ACMSD: variants seen among roughly 807,000 people sequenced by gnomAD.
ACMSD encodes aminocarboxymuconate semialdehyde decarboxylase.
A neutral mutation model predicts 45.9 loss-of-function variants in ACMSD; 37 were observed. That is an observed-to-expected ratio of 0.81 (90% CI 0.62 to 1.06). The LOEUF (loss-of-function observed/expected upper bound fraction) is 1.06, where lower values mean the gene tolerates loss of function less well. ACMSD is among the 50% of genes least tolerant of loss of function. ACMSD has a pLI of 0.00. For synonymous variants in ACMSD, 138 were observed against 148.8 expected, an observed-to-expected ratio of 0.93 and a Z score of 0.53; for missense variants, 434 against 420.9, an observed-to-expected ratio of 1.03 and a Z score of -0.27.
chr2:134,875,063 T>C (rs1175977579), intron 8 of ACMSD, among the ~76,000 whole-genome samples: 2 of 152,180 alleles, frequency 1.3e-5, no homozygotes, highest in African/African-American at 4.8e-5. Context: ...CGCAGTGGCG[T>C]GATCACAGCT....
chr2:134,845,171 T>C (rs900910919), intron 1 of ACMSD, 62 bp from the exon 2 acceptor site: 17 of 1,576,112 alleles, frequency 1.1e-5, no homozygotes, highest in Non-Finnish European at 1.4e-5. Flanking sequence ...GCACTTAGCA[T>C]GCCCCTTGAT....
intron 4 of ACMSD, 50 bp downstream of exon 4, chr2:134,862,068 A>G: frequency 6.2e-7 from 1 of 1,608,920 alleles, no homozygotes; most frequent in Non-Finnish European, 8.5e-7. Flanking sequence ...GTTCGTGTTG[A>G]GCTCCCAAAA....
rs375252700 is a variant in ACMSD at position 134,898,414 on chromosome 2, T to C, written c.923T>C (p.Met308Thr). 6 of 1,597,962 alleles carry C rather than the reference T, an allele frequency of 3.8e-6. No individual in the cohort carries two copies. The African/African-American group carries it at 4.0e-5, about 11-fold the overall frequency. Residue 308 changes from methionine (M) to threonine (T), a missense_variant, in exon 9 of 10, where the codon ATG becomes ACG. Met to Thr is a moderately conservative substitution (Grantham distance 81). Transcript: ENST00000356140. ...GAACCTGGGAAACTAATAGAGTCCA[T>C]GGAAGAATTTGATGAAGAAACAAAG... ...ELEPGKLIES[M>T]EEFDEETKNK...
chr2:134,854,650 C>A (rs1573631734), intron 2 of ACMSD, among the ~76,000 whole-genome samples: 1 of 152,142 alleles, frequency 6.6e-6, no homozygotes, highest in East Asian at 1.9e-4. Context: ...TTGGCAAAGC[C>A]CAGAGCACAT....
chr2:134,850,156 G>C, intron 2 of ACMSD, among the ~76,000 whole-genome samples: 1 of 149,260 alleles, frequency 6.7e-6, no homozygotes, highest in Non-Finnish European at 1.5e-5. Context: ...CAAAATAGTA[G>C]AATGCACTGC....
In ACMSD at chr2:134,861,986, C is replaced by T; in HGVS notation, c.217C>T (p.Leu73Phe). 3 of 1,614,160 alleles carry T rather than the reference C, an allele frequency of 1.9e-6. No individual in the cohort carries two copies. Among genetic ancestry groups the T allele is most frequent in the Non-Finnish European group, 1.7e-6 (2 of 1,180,024 alleles). The change falls in exon 4 of 10, where the codon CTT becomes TTT. Residue 73 changes from leucine (L) to phenylalanine (F), a missense_variant. Leu to Phe is a conservative substitution (Grantham distance 22). Transcript: ENST00000356140. ...ATGTCTAGGAGTAACAGTGCAAGCC[C>T]TTTCCACAGTTCCTGTCATGTTTAG... is the stretch of plus-strand genomic sequence containing the variant. ...MDQKGVTVQA[L>F]STVPVMFSYW... is the part of the protein sequence containing the mutation.
At chr2:134,844,058 C>G (rs1056152074) in intron 1 of ACMSD, among the ~76,000 whole-genome samples, 27 of 152,302 alleles carry the variant, frequency 1.8e-4, no homozygotes, top group African/African-American at 6.0e-4. Context: ...CCTAGTAAGG[C>G]TTGTCATAGA....
chr2:134,887,263 G>GA (rs1267786353), intron 8 of ACMSD, among the ~76,000 whole-genome samples: 2 of 151,936 alleles, frequency 1.3e-5, no homozygotes, highest in African/African-American at 4.8e-5. Context: ...TCTTGAAAAA[G>GA]AAAAATAAGT....
chr2:134,896,616 C>T (rs546680981), intron 8 of ACMSD, among the ~76,000 whole-genome samples: 1 of 152,258 alleles, frequency 6.6e-6, no homozygotes, highest in South Asian at 2.1e-4. Context: ...CCACCTCATA[C>T]CTACTGAGAT....
At chr2:134,882,230 C>T (rs1689075932) in intron 8 of ACMSD, among the ~76,000 whole-genome samples, 1 of 152,160 alleles carries the variant, frequency 6.6e-6, no homozygotes. Context: ...AGATATTTTC[C>T]TGTGTACTGG....
rs538997079 is a variant in ACMSD, at chr2:134,847,911, G to A, written c.102+2634G>A. 2.4e-3 allele frequency among the ~76,000 whole-genome samples: 361 copies of A among 151,546 alleles called. 1 individual carries two copies. Among genetic ancestry groups the A allele is most frequent in the African/African-American group, 8.5e-3 (350 of 41,260 alleles). Reference sequence around the variant, plus strand: ...TTGTCACACAGGCTGGAGTGCAATGGCACAATCCTGGCTCACCGCAACCTC... The same window carrying A: ...TTGTCACACAGGCTGGAGTGCAATGACACAATCCTGGCTCACCGCAACCTC... On this transcript the variant is annotated intron_variant, in intron 2 of 9. Transcript: ENST00000356140.
At chr2:134,858,902 G>C (rs1391456310) in intron 2 of ACMSD, among the ~76,000 whole-genome samples, 2 of 149,616 alleles carry the variant, frequency 1.3e-5, no homozygotes, top group East Asian at 3.9e-4. Flanking sequence ...AATTCTAAAT[G>C]TTATAGAACT....
chr2:134,862,020 T>A lies in ACMSD; in HGVS notation c.249+2T>A. 2.5e-6 allele frequency: 4 copies of A among 1,614,110 alleles called. No homozygotes were observed. Among genetic ancestry groups the A allele is most frequent in the Non-Finnish European group, 3.4e-6 (4 of 1,180,002 alleles). ...GTTCCTGTCATGTTTAGCTACTGGG[T>A]GAGTGTGAAACCTCAAGCCATCTCC... On this transcript the variant is annotated splice_donor_variant, in intron 4 of 9. Transcript: ENST00000356140. LOFTEE classifies it high-confidence loss of function.
rs775523958 is a variant in ACMSD, at chr2:134,861,997, T to C, written c.228T>C (p.Val76=). Residue 76 remains valine, a synonymous_variant, in exon 4 of 10, where the codon GTT becomes GTC. Transcript: ENST00000356140. ...KGVTVQALST[V]PVMFSYWAKP... is the part of the protein sequence containing the mutation. ...TAACAGTGCAAGCCCTTTCCACAGT[T>C]CCTGTCATGTTTAGCTACTGGGTGA... 3 of 1,614,202 alleles carry C rather than the reference T, an allele frequency of 1.9e-6. No individual in the cohort carries two copies. The highest frequency in any genetic ancestry group is 2.5e-6 in the Non-Finnish European group (3 of 1,180,032).
intron 4 of ACMSD, 36 bp downstream of exon 4, chr2:134,862,054 G>A (rs755769626): frequency 1.9e-6 from 3 of 1,613,654 alleles, no homozygotes; most frequent in Non-Finnish European, 1.7e-6. Context: ...CCTTGGTGTT[G>A]AAGGTTCGTG....
intron 2 of ACMSD, among the ~76,000 whole-genome samples, chr2:134,845,805 C>T (rs924869028): frequency 6.6e-5 from 10 of 152,206 alleles, no homozygotes; most frequent in Admixed American, 4.6e-4. Context: ...CTAGAAATAA[C>T]GAGCCCCAAG....
chr2:134,846,374 G>C (rs902422907), intron 2 of ACMSD, among the ~76,000 whole-genome samples: 1 of 152,046 alleles, frequency 6.6e-6, no homozygotes, highest in African/African-American at 2.4e-5. Flanking sequence ...CAAGCCTCCT[G>C]GTGATTCTGA....
chr2:134,872,680 A>T, intron 8 of ACMSD, 39 bp downstream of exon 8: 1 of 1,609,214 alleles, frequency 6.2e-7, no homozygotes, highest in Non-Finnish European at 8.5e-7. Context: ...TATGGGGAGC[A>T]GAATGCTGCA....
intron 8 of ACMSD, among the ~76,000 whole-genome samples, chr2:134,881,329 G>A (rs866920315): frequency 2.6e-5 from 4 of 152,276 alleles, no homozygotes; most frequent in South Asian, 4.1e-4. Flanking sequence ...GGAGAATCTC[G>A]AAATTCTTGT....
Sources: gnomAD v4.1 joint callset for allele counts (sites outside exome capture counted in the v4.1 genomes callset) on GRCh38, gnomAD v4.1.1 for gene constraint, MANE v1.5 for transcripts, NCBI Gene and HGNC (gene_info 2026-07-23, HGNC 2026-07-21) for gene names.